PTPN5: variants seen among roughly 807,000 people sequenced by gnomAD.
PTPN5 encodes the protein tyrosine-protein phosphatase non-receptor type 5.
In PTPN5, 29 loss-of-function variants were observed where a neutral mutation model predicts 73.9. The observed-to-expected ratio is 0.39, with a 90% confidence interval of 0.29 to 0.54. The LOEUF is 0.54. PTPN5 is among the 20% of genes least tolerant of loss of function. PTPN5 has a pLI of 0.65. For missense variants in PTPN5, 652 were observed against 751.4 expected (o/e 0.87, Z 1.55); for synonymous variants, 267 against 304.7 (o/e 0.88, Z 1.29).
chr11:18,729,319 T>C lies in PTPN5; in HGVS notation c.1604+134A>G. On this transcript the variant is annotated intron_variant, in intron 14 of 14. Coordinates refer to ENST00000358540, the MANE Select transcript of PTPN5 (RefSeq NM_006906.2). This position sits in a 1 kb window ranked among gnomAD's most constrained non-coding sequence, Gnocchi z 5.2. The stretch of plus-strand genomic sequence containing the variant: ...TCTACCCAGCTGTCCTCGCTACTCC[T>C]TGTCTGCCCATCAGTCCGTGCCAGT... 1.6e-6 allele frequency: 1 copy of C among 637,852 alleles called. No individual in the cohort carries two copies. Among genetic ancestry groups the C allele is most frequent in the African/African-American group, 1.8e-5 (1 of 55,866 alleles). The allele number at this position is 637,852 out of a possible 1,614,324, so 39.5% of individuals were successfully genotyped here.
intron 12 of PTPN5, 75 bp downstream of exon 12, chr11:18,732,517 C>A (rs2134191002): frequency 1.9e-6 from 2 of 1,070,234 alleles, no homozygotes; most frequent in South Asian, 1.3e-5. Context: ...ACTTGGGGGA[C>A]CTGTTCTCTG....
intron 8 of PTPN5, among the ~76,000 whole-genome samples, chr11:18,739,174 C>T (rs1849252412): frequency 6.6e-6 from 1 of 152,070 alleles, no homozygotes; most frequent in African/African-American, 2.4e-5. Context: ...ATCACACTTT[C>T]CAGGATTGTG....
rs1014700870 is a variant in PTPN5, at chr11:18,785,010, T to C, written c.-114+6515A>G. Among the ~76,000 whole-genome samples, 7 of 152,102 alleles carry C rather than the reference T, an allele frequency of 4.6e-5. No individual in the cohort carries two copies. The East Asian group carries it at 1.4e-3, about 29-fold the overall frequency. On this transcript the variant is annotated intron_variant, in intron 1 of 14. Transcript: ENST00000358540. ...GAGGGGCTGCAGGTGTGCGCCACCA[T>C]GCCTGGCTAATTTTTATATTTTTAC...
chr11:18,734,215 G>A (rs1027439415), intron 9 of PTPN5, among the ~76,000 whole-genome samples: 7 of 152,186 alleles, frequency 4.6e-5, no homozygotes, highest in African/African-American at 1.4e-4. Flanking sequence ...GAAAGTTGAC[G>A]GAGGCTATTA....
At chr11:18,746,732 C>G (rs1849661099) in intron 3 of PTPN5, among the ~76,000 whole-genome samples, 1 of 152,164 alleles carries the variant, frequency 6.6e-6, no homozygotes, top group Admixed American at 6.5e-5. Flanking sequence ...TACCTTTGTC[C>G]ATGGAGGTTA....
intron 1 of PTPN5, among the ~76,000 whole-genome samples, chr11:18,788,951 A>T (rs1371121255): frequency 6.6e-6 from 1 of 152,232 alleles, no homozygotes; most frequent in Non-Finnish European, 1.5e-5. Flanking sequence ...TAATTATGAA[A>T]TTCTATTACG....
At chr11:18,746,195 A>ATT (rs1554916252) in intron 3 of PTPN5, among the ~76,000 whole-genome samples, 68 of 114,010 alleles carry the variant, frequency 6.0e-4, no homozygotes, top group South Asian at 1.9e-3. Context: ...ATATATATAC[A>ATT]TTTTTTTTTT....
chr11:18,747,293 G>A (rs903189299), intron 3 of PTPN5, among the ~76,000 whole-genome samples: 1 of 152,138 alleles, frequency 6.6e-6, no homozygotes, highest in African/African-American at 2.4e-5. Flanking sequence ...TGGGACTACA[G>A]GCACAAGCCA....
intron 3 of PTPN5, among the ~76,000 whole-genome samples, 173 bp downstream of exon 3, chr11:18,765,634 C>CTG (rs1418334746): frequency 6.6e-6 from 1 of 152,222 alleles, no homozygotes; most frequent in Non-Finnish European, 1.5e-5. Context: ...GGTCAGAAGG[C>CTG]ATCAGGGATT....
chr11:18,773,065 C>A (rs1850980491), intron 1 of PTPN5, among the ~76,000 whole-genome samples: 1 of 151,894 alleles, frequency 6.6e-6, no homozygotes, highest in African/African-American at 2.4e-5. Context: ...GGAATTGACA[C>A]AAAGCAGGAC....
chr11:18,758,958 G>A (rs534751184), intron 3 of PTPN5, among the ~76,000 whole-genome samples: 4 of 152,188 alleles, frequency 2.6e-5, no homozygotes, highest in South Asian at 4.2e-4. Flanking sequence ...GAAGGAAAAC[G>A]GAGGATCATT....
At chr11:18,769,720 AAT>A (rs1399629610) in intron 2 of PTPN5, among the ~76,000 whole-genome samples, 1 of 152,114 alleles carries the variant, frequency 6.6e-6, no homozygotes, top group Non-Finnish European at 1.5e-5. Flanking sequence ...TGGTTTTTAA[AAT>A]ATGTTTTTAG....
chr11:18,740,336 C>A (rs1285150770), intron 8 of PTPN5: 1 of 300,824 alleles, frequency 3.3e-6, no homozygotes, highest in African/African-American at 2.2e-5. Context: ...TGTCACTGTA[C>A]CTCCATCACC....
At chr11:18,769,767 A>T (rs914235348) in intron 2 of PTPN5, among the ~76,000 whole-genome samples, 4 of 152,204 alleles carry the variant, frequency 2.6e-5, no homozygotes, top group Non-Finnish European at 4.4e-5. Flanking sequence ...TTTCTTGGGT[A>T]GAGCAAATAG....
intron 3 of PTPN5, among the ~76,000 whole-genome samples, chr11:18,749,210 T>C (rs1849772339): frequency 6.6e-6 from 1 of 152,216 alleles, no homozygotes; most frequent in African/African-American, 2.4e-5. Context: ...GTAGCTGCTT[T>C]GCCACGCATG....
chr11:18,733,700 G>C lies in PTPN5; in HGVS notation c.1001-65C>G, dbSNP rs1226736034. 9.8e-6 allele frequency: 14 copies of C among 1,425,806 alleles called. No individual in the cohort carries two copies. The highest frequency in any genetic ancestry group is 1.4e-5 in the Non-Finnish European group (14 of 1,010,164). The allele number at this position is 1,425,806 out of a possible 1,614,324, so 88.3% of individuals were successfully genotyped here. On this transcript the variant is annotated intron_variant, in intron 9 of 14. Transcript: ENST00000358540. The surrounding 1 kb of genome is among the most constrained non-coding windows in gnomAD (Gnocchi z 4.3). ...CTCTGGTGCAGGACCCACTTGCTCT[G>C]GCCTATTCCAGCATACCCACACTTC...
At chr11:18,769,354 G>A (rs1850773713) in intron 2 of PTPN5, among the ~76,000 whole-genome samples, 1 of 152,172 alleles carries the variant, frequency 6.6e-6, no homozygotes, top group Non-Finnish European at 1.5e-5. Flanking sequence ...GCAAGGGGAA[G>A]AGGAAGTCTT....
Position 18,733,294 on chromosome 11 carries a change from C to G in PTPN5, c.1159G>C (p.Val387Leu). 6.2e-7 allele frequency: 1 copy of G among 1,614,152 alleles called. No homozygotes were observed. The highest frequency in any genetic ancestry group is 1.3e-5 in the African/African-American group (1 of 75,056). The change falls in exon 11 of 15, where the codon GTG becomes CTG. Residue 387 changes from valine to leucine, a missense_variant. Coordinates refer to ENST00000358540, the MANE Select transcript of PTPN5 (RefSeq NM_006906.2). This position sits in a 1 kb window ranked among gnomAD's most constrained non-coding sequence, Gnocchi z 4.3. Reference protein sequence around the residue: ...VSTVADFWRMVWQEHTPIIVM... With the variant: ...VSTVADFWRMLWQEHTPIIVM... ...ATGATGGGCGTGTGCTCCTGCCACA[C>G]CATGCGCCAGAAGTCGGCGACCGTG...
In PTPN5 at chr11:18,772,027, C is replaced by T. The variant is rs1850926733; in HGVS notation, c.-69G>A. ...GGAAGCTTTCTCAGCAAAAAGCAAG[C>T]TGGTGATATAAATGAAGGAGAGAGG... On this transcript the variant is annotated 5_prime_UTR_variant, in exon 2 of 15. Coordinates refer to ENST00000358540, the MANE Select transcript of PTPN5 (RefSeq NM_006906.2). The T allele has an allele frequency of 2.3e-6, 3 of 1,289,362 alleles. No homozygotes were observed. The highest frequency in any genetic ancestry group is 1.4e-5 in the South Asian group (1 of 70,342). The allele number at this position is 1,289,362 out of a possible 1,614,324, so 79.9% of individuals were successfully genotyped here. A position where few individuals can be genotyped will look rare whatever the true frequency, so the allele number is the denominator to read the frequency against.
Sources: gnomAD v4.1 joint callset for allele counts (sites outside exome capture counted in the v4.1 genomes callset) on GRCh38, gnomAD v4.1.1 for gene constraint, Gnocchi (gnomAD v3.1) non-coding constraint, MANE v1.5 for transcripts, NCBI Gene and HGNC (gene_info 2026-07-23, HGNC 2026-07-21) for gene names.